SBF2: variants seen among roughly 807,000 people sequenced by gnomAD.
SBF2 encodes myotubularin-related protein 13.
Under a neutral mutation model 225.2 loss-of-function variants are expected in SBF2, and 112 were observed. The ratio of observed to expected loss-of-function variants is 0.50; its 90% confidence interval spans 0.43 to 0.58. The LOEUF is 0.58. SBF2 is among the 20% of genes least tolerant of loss of function. The probability of loss-of-function intolerance (pLI) is 0.00; values close to 1 mark genes in which losing one functional copy is unlikely to be tolerated. For synonymous variants in SBF2, 763 were observed against 773.3 expected, an observed-to-expected ratio of 0.99 and a Z score of 0.22; for missense variants, 1,996 against 2,206.2, an observed-to-expected ratio of 0.90 and a Z score of 1.91.
chr11:10,288,217 T>C (rs958387343), intron 1 of SBF2, among the ~76,000 whole-genome samples: 3 of 152,194 alleles, frequency 2.0e-5, no homozygotes, highest in African/African-American at 7.2e-5. Context: ...TCAGCTCTGC[T>C]TGTGTTAGAG....
At chr11:10,168,344 A>G (rs978057045) in intron 2 of SBF2, among the ~76,000 whole-genome samples, 1 of 152,194 alleles carries the variant, frequency 6.6e-6, no homozygotes, top group Non-Finnish European at 1.5e-5. Context: ...GCAACGACCA[A>G]AAAAGGTTGT....
At chr11:10,110,227 T>C (rs1334228747) in intron 2 of SBF2, among the ~76,000 whole-genome samples, 1 of 152,230 alleles carries the variant, frequency 6.6e-6, no homozygotes, top group Non-Finnish European at 1.5e-5. Context: ...TCCACTATTC[T>C]GAAGGAATCA....
Position 10,031,168 on chromosome 11 carries a change from T to A in SBF2, c.282A>T (p.Gly94=), listed in dbSNP as rs747630150. 6 of 1,613,224 alleles carry A rather than the reference T, an allele frequency of 3.7e-6. No individual in the cohort carries two copies. The South Asian group carries it at 5.5e-5, about 15-fold the overall frequency. Residue 94 remains glycine, a splice_region_variant and synonymous_variant, in exon 4 of 40, where the codon GGA becomes GGT. Coordinates refer to ENST00000256190, the MANE Select transcript of SBF2 (RefSeq NM_030962.4). ...CACCTTCAATCTCTTCCTTCTTTGT[T>A]CCCTAGAAAAAGAGACACTGAAATC... ...TFYEAEINLQ[G]TKKEEIEGEA... is the part of the protein sequence containing the mutation.
intron 17 of SBF2, among the ~76,000 whole-genome samples, chr11:9,894,409 C>T (rs765763560): frequency 6.6e-6 from 1 of 151,754 alleles, no homozygotes; most frequent in African/African-American, 2.4e-5. Flanking sequence ...CCCACCTACT[C>T]GGGAGGCTGA....
At chr11:10,067,474 A>G (rs1296227448) in intron 2 of SBF2, among the ~76,000 whole-genome samples, 4 of 152,214 alleles carry the variant, frequency 2.6e-5, no homozygotes, top group Non-Finnish European at 4.4e-5. Context: ...ACAACTCTGA[A>G]ACAGACTAAA....
chr11:9,826,739 GTGTGTGTGTGTA>G (rs1359489949), intron 28 of SBF2, among the ~76,000 whole-genome samples: 1 of 151,128 alleles, frequency 6.6e-6, no homozygotes, highest in Non-Finnish European at 1.5e-5. Flanking sequence ...ATATGTGTGT[GTGTGTGTGTGTA>G]TGTGTGTGTG....
chr11:10,276,954 C>T lies in SBF2; in HGVS notation c.55+17061G>A, dbSNP rs887948014. Among the ~76,000 whole-genome samples the T allele has an allele frequency of 2.0e-5, 3 of 152,120 alleles. No homozygotes were observed. The East Asian group carries it at 5.8e-4, about 29-fold the overall frequency. ...TTCTTAAAACTGTGTAAAACAGGCT[C>T]GGTACAATGGCTCATGCCTGTAATA... On this transcript the variant is annotated intron_variant, in intron 1 of 39. Transcript: ENST00000256190.
At chr11:10,247,863 T>C (rs892803225) in intron 1 of SBF2, among the ~76,000 whole-genome samples, 2 of 152,182 alleles carry the variant, frequency 1.3e-5, no homozygotes, top group Admixed American at 1.3e-4. Flanking sequence ...GCCCTTACAG[T>C]ACCTGATTTT....
intron 2 of SBF2, among the ~76,000 whole-genome samples, chr11:10,074,903 A>G (rs1367929797): frequency 6.6e-6 from 1 of 152,240 alleles, no homozygotes; most frequent in Admixed American, 6.5e-5. Context: ...TACCCTCTGT[A>G]TGTCTGGAAT....
chr11:10,024,070 G>A (rs902485096), intron 6 of SBF2, among the ~76,000 whole-genome samples: 36 of 152,128 alleles, frequency 2.4e-4, no homozygotes, highest in Admixed American at 3.9e-4. Flanking sequence ...TAGAGAAACC[G>A]AATCATGCCG....
intron 32 of SBF2, among the ~76,000 whole-genome samples, chr11:9,804,340 C>CT (rs1853666238): frequency 6.6e-6 from 1 of 152,220 alleles, no homozygotes; most frequent in South Asian, 2.1e-4. Context: ...CAGACAAATT[C>CT]TTCTCCGTAG....
chr11:10,140,111 T>A (rs1262786555), intron 2 of SBF2, among the ~76,000 whole-genome samples: 1 of 152,224 alleles, frequency 6.6e-6, no homozygotes, highest in African/African-American at 2.4e-5. Flanking sequence ...ACCCTTGTAA[T>A]TTCCTGAATG....
chr11:9,805,848 T>TC (rs1452731391), intron 32 of SBF2, among the ~76,000 whole-genome samples: 12 of 152,264 alleles, frequency 7.9e-5, no homozygotes, highest in South Asian at 6.2e-4. Context: ...GGTTTTGATC[T>TC]CTTACCTCGT....
At chr11:10,075,880 C>T (rs1395045044) in intron 2 of SBF2, among the ~76,000 whole-genome samples, 1 of 151,564 alleles carries the variant, frequency 6.6e-6, no homozygotes, top group Non-Finnish European at 1.5e-5. Flanking sequence ...GTAGAGGAAA[C>T]AGAAAACCAT....
At chr11:10,135,338 C>T (rs144181076) in intron 2 of SBF2, among the ~76,000 whole-genome samples, 13 of 152,258 alleles carry the variant, frequency 8.5e-5, no homozygotes, top group African/African-American at 1.9e-4. Context: ...GTCTCTGACA[C>T]GCCCTAGAGA....
chr11:10,066,683 C>T (rs887271799), intron 2 of SBF2, among the ~76,000 whole-genome samples: 1 of 151,984 alleles, frequency 6.6e-6, no homozygotes, highest in African/African-American at 2.4e-5. Context: ...GTTGAAAAAC[C>T]GAATGCTTTT....
At chr11:9,889,355 A>G (rs767469965) in intron 17 of SBF2, among the ~76,000 whole-genome samples, 3 of 152,168 alleles carry the variant, frequency 2.0e-5, no homozygotes, top group Non-Finnish European at 4.4e-5. Context: ...GGGCTTTCAT[A>G]TTTTGAAATG....
intron 6 of SBF2, among the ~76,000 whole-genome samples, chr11:10,004,790 G>A (rs1234638166): frequency 6.6e-6 from 1 of 152,036 alleles, no homozygotes; most frequent in Non-Finnish European, 1.5e-5. Flanking sequence ...CCTCTCACAT[G>A]TAAATTGTGT....
intron 16 of SBF2, among the ~76,000 whole-genome samples, chr11:9,922,064 T>C (rs759404878): frequency 1.6e-4 from 24 of 151,808 alleles, no homozygotes; most frequent in African/African-American, 3.9e-4. Flanking sequence ...CTGGGCAACA[T>C]AGTGGGACTC....
Sources: gnomAD v4.1 joint callset for allele counts (sites outside exome capture counted in the v4.1 genomes callset) on GRCh38, gnomAD v4.1.1 for gene constraint, MANE v1.5 for transcripts, NCBI Gene and HGNC (gene_info 2026-07-23, HGNC 2026-07-21) for gene names.